Variants in PEX14 observed in about 807,000 individuals in gnomAD.
PEX14 encodes peroxisomal membrane protein PEX14.
In PEX14, 15 loss-of-function variants were observed where a neutral mutation model predicts 49.5. The observed-to-expected ratio is 0.30, with a 90% CI of 0.20 to 0.47. PEX14 has a LOEUF of 0.47. Among genes scored for constraint, PEX14 ranks in the 20% least tolerant of loss-of-function variants. PEX14 has a pLI of 1.00. For missense variants in PEX14, 398 were observed against 494.8 expected (o/e 0.80, Z 1.86); for synonymous variants, 210 against 212.7 (o/e 0.99, Z 0.11).
intron 3 of PEX14, among the ~76,000 whole-genome samples, chr1:10,594,616 G>T (rs1442118489): frequency 6.6e-6 from 1 of 152,330 alleles, no homozygotes; most frequent in East Asian, 1.9e-4. Context: ...GAAAGATGAA[G>T]AGAACACTGC....
intron 3 of PEX14, among the ~76,000 whole-genome samples, chr1:10,565,243 A>G (rs1639770148): frequency 6.6e-6 from 1 of 152,200 alleles, no homozygotes; most frequent in Admixed American, 6.5e-5. Flanking sequence ...ATGACAGTGA[A>G]TAATTGAGAA....
At chr1:10,552,487 A>C (rs1016747991) in intron 3 of PEX14, among the ~76,000 whole-genome samples, 1 of 152,178 alleles carries the variant, frequency 6.6e-6, no homozygotes, top group African/African-American at 2.4e-5. Context: ...AAGTTTGTTC[A>C]TGCCTGTTAT....
At chr1:10,568,889 G>A (rs1211169005) in intron 3 of PEX14, among the ~76,000 whole-genome samples, 5 of 151,950 alleles carry the variant, frequency 3.3e-5, no homozygotes, top group Admixed American at 6.6e-5. Context: ...ACAGATGCAC[G>A]TCACCACACC....
chr1:10,535,935 C>A (rs1294997422), intron 2 of PEX14: 10 of 427,398 alleles, frequency 2.3e-5, no homozygotes, highest in Non-Finnish European at 3.9e-5. Context: ...AGAATCAGCT[C>A]GAATGGAGAT....
intron 2 of PEX14, among the ~76,000 whole-genome samples, chr1:10,504,748 T>G (rs1641750802): frequency 6.6e-6 from 1 of 152,038 alleles, no homozygotes; most frequent in South Asian, 2.1e-4. Flanking sequence ...TTTCTTTATT[T>G]TCTTTCTTTC....
At position 10,539,391 on chromosome 1, in the gene PEX14, T is replaced by C. The variant is rs1638935673; in HGVS notation, c.169+3094T>C. 6.6e-6 allele frequency among the ~76,000 whole-genome samples: 1 copy of C among 152,230 alleles called. No individual in the cohort carries two copies. The highest frequency in any genetic ancestry group is 2.4e-5 in the African/African-American group (1 of 41,450). ...ATTTTCTTTGAAGTTTGTACTGCCA[T>C]TTTGTGTAATTTACAACATTTCTTC... On this transcript the variant is annotated intron_variant, in intron 3 of 8. Transcript: ENST00000356607. This position sits in a 1 kb window ranked among gnomAD's most constrained non-coding sequence, Gnocchi z 4.6.
chr1:10,575,308 A>C (rs772832549), intron 3 of PEX14, among the ~76,000 whole-genome samples: 4 of 152,202 alleles, frequency 2.6e-5, no homozygotes, highest in Non-Finnish European at 4.4e-5. Context: ...TTAAAAACGC[A>C]TAGTTGAAGA....
At chr1:10,625,259 C>A (rs1057284164) in intron 7 of PEX14, among the ~76,000 whole-genome samples, 10 of 152,114 alleles carry the variant, frequency 6.6e-5, no homozygotes, top group Non-Finnish European at 1.3e-4. Context: ...AGACCGGGCC[C>A]AGGAGACAGT....
chr1:10,532,675 A>C (rs1638683398), intron 2 of PEX14, among the ~76,000 whole-genome samples: 1 of 152,158 alleles, frequency 6.6e-6, no homozygotes, highest in African/African-American at 2.4e-5. Context: ...ATTGAGGCGG[A>C]AGATTTGGCC....
chr1:10,610,370 TATACACAC>T (rs1328163703), intron 4 of PEX14, among the ~76,000 whole-genome samples: 59 of 98,560 alleles, frequency 6.0e-4, no homozygotes, highest in African/African-American at 1.8e-3. Flanking sequence ...TATATATATA[TATACACAC>T]ACACACACAC....
chr1:10,533,339 A>G (rs1638703143), intron 2 of PEX14, among the ~76,000 whole-genome samples: 1 of 152,196 alleles, frequency 6.6e-6, no homozygotes, highest in Admixed American at 6.5e-5. Context: ...GGTGTTTGGC[A>G]GTATTATTTT....
chr1:10,536,493 C>A, intron 3 of PEX14, 196 bp downstream of exon 3: 1 of 606,306 alleles, frequency 1.6e-6, no homozygotes, highest in Non-Finnish European at 3.0e-6. Flanking sequence ...CAAGATGACA[C>A]GATTCGGGTA....
intron 3 of PEX14, among the ~76,000 whole-genome samples, chr1:10,588,290 C>T (rs1357157009): frequency 6.6e-6 from 1 of 152,072 alleles, no homozygotes; most frequent in African/African-American, 2.4e-5. Flanking sequence ...AATCCTCTTG[C>T]CTCATCCTCC....
At chr1:10,504,213 C>T (rs944939495) in intron 2 of PEX14, among the ~76,000 whole-genome samples, 3 of 152,172 alleles carry the variant, frequency 2.0e-5, no homozygotes, top group East Asian at 3.9e-4. Context: ...TTCTTCCCTC[C>T]CAGCTCTCCT....
intron 4 of PEX14, among the ~76,000 whole-genome samples, chr1:10,617,900 TGC>T (rs1045208620): frequency 6.6e-6 from 1 of 152,166 alleles, no homozygotes; most frequent in African/African-American, 2.4e-5. Flanking sequence ...CGCTTGGTTC[TGC>T]TGTGGCCCCC....
At chr1:10,574,613 A>G (rs752896213) in intron 3 of PEX14, among the ~76,000 whole-genome samples, 2 of 152,188 alleles carry the variant, frequency 1.3e-5, no homozygotes, top group Non-Finnish European at 2.9e-5. Flanking sequence ...AGGCTAGGAG[A>G]GAAAAAAACA....
At chr1:10,504,129 C>T (rs151211477) in intron 2 of PEX14, among the ~76,000 whole-genome samples, 1 of 152,262 alleles carries the variant, frequency 6.6e-6, no homozygotes, top group East Asian at 1.9e-4. Flanking sequence ...TGTAGTTAGT[C>T]CCACTTCTGA....
At chr1:10,507,091 G>A (rs1380505769) in intron 2 of PEX14, among the ~76,000 whole-genome samples, 1 of 152,128 alleles carries the variant, frequency 6.6e-6, no homozygotes, top group Non-Finnish European at 1.5e-5. Context: ...TTTTGGTCTC[G>A]CTGTTGGTGT....
intron 1 of PEX14, among the ~76,000 whole-genome samples, chr1:10,476,069 C>A (rs922519811): frequency 3.4e-4 from 52 of 152,264 alleles, no homozygotes; most frequent in Middle Eastern, 3.4e-3. Flanking sequence ...CAACTTGGGG[C>A]CTCATTCCTC....
Sources: gnomAD v4.1 joint callset for allele counts (sites outside exome capture counted in the v4.1 genomes callset) on GRCh38, gnomAD v4.1.1 for gene constraint, Gnocchi (gnomAD v3.1) non-coding constraint, MANE v1.5 for transcripts, NCBI Gene and HGNC (gene_info 2026-07-23, HGNC 2026-07-21) for gene names.